Variants in PCDH7 observed in about 807,000 individuals in gnomAD.
The protein encoded by PCDH7 is protocadherin 7.
A neutral mutation model predicts 58.9 loss-of-function variants in PCDH7; 17 were observed. The observed-to-expected ratio is 0.29, with a 90% confidence interval of 0.20 to 0.43. The LOEUF (loss-of-function observed/expected upper bound fraction) is 0.43, where lower values mean the gene tolerates loss of function less well. Ranked by LOEUF, PCDH7 falls within the 20% of genes least tolerant of loss-of-function variation. The probability of loss-of-function intolerance (pLI) is 1.00; values close to 1 mark genes in which losing one functional copy is unlikely to be tolerated. For synonymous variants in PCDH7, 664 were observed against 616.4 expected, an observed-to-expected ratio of 1.08 and a Z score of -1.14; for missense variants, 1,274 against 1,441.0, an observed-to-expected ratio of 0.88 and a Z score of 1.88.
chr4:30,765,412 G>T (rs960958423), intron 1 of PCDH7, among the ~76,000 whole-genome samples: 4 of 151,988 alleles, frequency 2.6e-5, no homozygotes, highest in African/African-American at 9.7e-5. Flanking sequence ...TAACATTCTG[G>T]AATGCGTGTT....
intron 1 of PCDH7, among the ~76,000 whole-genome samples, chr4:30,820,945 T>G (rs1037492026): frequency 5.9e-5 from 9 of 152,156 alleles, no homozygotes; most frequent in Admixed American, 2.0e-4. Flanking sequence ...AATGGAATTA[T>G]TTTTCTGTGC....
intron 1 of PCDH7, among the ~76,000 whole-genome samples, chr4:30,868,183 G>A (rs773074373): frequency 2.1e-4 from 32 of 151,996 alleles, no homozygotes; most frequent in Non-Finnish European, 3.7e-4. Flanking sequence ...ACTTTTTAAA[G>A]CTACCCTTTC....
chr4:30,809,109 A>G (rs1398814044), intron 1 of PCDH7, among the ~76,000 whole-genome samples: 2 of 152,238 alleles, frequency 1.3e-5, no homozygotes, highest in Admixed American at 6.5e-5. Context: ...CGCATTCTCT[A>G]TTAAGTCTAC....
At chr4:30,930,617 A>G (rs937777879) in intron 2 of PCDH7, among the ~76,000 whole-genome samples, 10 of 152,186 alleles carry the variant, frequency 6.6e-5, no homozygotes, top group Non-Finnish European at 1.5e-4. Context: ...GTTTCAGCGA[A>G]TGTGACTGTG....
At chr4:30,870,779 T>TATGCTTTGCTTTGACAATGCTTTG (rs2109361872) in intron 1 of PCDH7, among the ~76,000 whole-genome samples, 1 of 152,270 alleles carries the variant, frequency 6.6e-6, no homozygotes, top group South Asian at 2.1e-4. Flanking sequence ...ACCTCTTGTC[T>TATGCTTTGCTTTGACAATGCTTTG]AATGCTTTGC....
At chr4:31,135,846 C>G (rs1450251053) in intron 3 of PCDH7, among the ~76,000 whole-genome samples, 1 of 152,046 alleles carries the variant, frequency 6.6e-6, no homozygotes, top group African/African-American at 2.4e-5. Flanking sequence ...GGAACAAGAT[C>G]CTTTTGTTTT....
At chr4:30,858,379 C>T (rs900594286) in intron 1 of PCDH7, among the ~76,000 whole-genome samples, 13 of 151,996 alleles carry the variant, frequency 8.6e-5, no homozygotes, top group African/African-American at 1.2e-4. Flanking sequence ...TTTGGGTATT[C>T]ACTGTGACAT....
At chr4:31,046,718 G>T (rs1466283588) in intron 3 of PCDH7, among the ~76,000 whole-genome samples, 2 of 151,912 alleles carry the variant, frequency 1.3e-5, no homozygotes, top group African/African-American at 4.8e-5. Context: ...AATCTATTGA[G>T]TTAAATATTC....
rs917946317 is a variant in PCDH7 at position 30,980,936 on chromosome 4, G to C, written c.*7+30721G>C. Among the ~76,000 whole-genome samples, 15 of 152,198 alleles carry C rather than the reference G, an allele frequency of 9.9e-5. No individual in the cohort carries two copies. In the South Asian group the frequency reaches 2.1e-3, roughly 21 times the overall value. On this transcript the variant is annotated intron_variant, in intron 3 of 3. Transcript: ENST00000509759. ...TCAGCTACTGCAACCTCTGCCTCCT[G>C]GGTTCAAGTGATTCTTCTGCCTCAG...
chr4:30,780,368 G>T (rs1341692521), intron 1 of PCDH7, among the ~76,000 whole-genome samples: 1 of 152,008 alleles, frequency 6.6e-6, no homozygotes, highest in Admixed American at 6.6e-5. Flanking sequence ...TTAGCTGGAC[G>T]TGGTGGCACA....
At chr4:30,771,255 G>T (rs1048107866) in intron 1 of PCDH7, among the ~76,000 whole-genome samples, 1 of 152,124 alleles carries the variant, frequency 6.6e-6, no homozygotes, top group Non-Finnish European at 1.5e-5. Context: ...ACCAGTTCTA[G>T]ATCTGACAAA....
intron 1 of PCDH7, chr4:30,725,329 C>A (rs192095395): frequency 2.3e-3 from 2,287 of 978,220 alleles, no homozygotes; most frequent in Non-Finnish European, 2.6e-3. Flanking sequence ...TTGCATGAGC[C>A]ATTTATTATT....
intron 3 of PCDH7, among the ~76,000 whole-genome samples, chr4:31,023,903 T>C (rs1190125220): frequency 2.6e-5 from 4 of 152,078 alleles, no homozygotes; most frequent in Non-Finnish European, 5.9e-5. Flanking sequence ...AGAGAAAGCG[T>C]TCCAAACCCA....
chr4:30,908,877 A>C (rs1015482153), intron 1 of PCDH7, among the ~76,000 whole-genome samples: 1 of 152,198 alleles, frequency 6.6e-6, no homozygotes, highest in African/African-American at 2.4e-5. Context: ...GAGACACAGA[A>C]AAAAGAAAAT....
chr4:31,139,906 T>A (rs1328587052), intron 3 of PCDH7, among the ~76,000 whole-genome samples: 7 of 152,180 alleles, frequency 4.6e-5, no homozygotes, highest in Non-Finnish European at 1.0e-4. Flanking sequence ...TGACAGGAGA[T>A]CCTTATTAAA....
Position 30,861,571 on chromosome 4 carries a change from G to T in PCDH7, c.71-58582G>T, listed in dbSNP as rs148516147. 5.3e-5 allele frequency among the ~76,000 whole-genome samples: 8 copies of T among 152,234 alleles called. No homozygotes were observed. In the East Asian group the frequency reaches 1.5e-3, roughly 29 times the overall value. ...AGGATAGATAATTTTTAACTATTCT[G>T]AAGTTCTAAAATTTATGATTACTAA... On this transcript the variant is annotated intron_variant, in intron 1 of 3. Transcript: ENST00000509759.
At chr4:30,933,823 C>T (rs986252374) in intron 2 of PCDH7, among the ~76,000 whole-genome samples, 1 of 152,184 alleles carries the variant, frequency 6.6e-6, no homozygotes, top group Non-Finnish European at 1.5e-5. Context: ...TCATAATTCT[C>T]AGGTAATTCT....
At chr4:30,905,102 T>A (rs1224426122) in intron 1 of PCDH7, among the ~76,000 whole-genome samples, 1 of 152,166 alleles carries the variant, frequency 6.6e-6, no homozygotes, top group Non-Finnish European at 1.5e-5. Flanking sequence ...TCTGTTTGAG[T>A]GGATCTTAAC....
intron 1 of PCDH7, among the ~76,000 whole-genome samples, chr4:30,905,042 G>A (rs1740740675): frequency 6.6e-6 from 1 of 152,088 alleles, no homozygotes; most frequent in Non-Finnish European, 1.5e-5. Context: ...TGCAGTTTAT[G>A]TGAAATGTCT....
Sources: allele counts gnomAD v4.1 joint callset (sites outside exome capture counted in the v4.1 genomes callset), GRCh38; gene constraint gnomAD v4.1.1; transcripts MANE v1.5; gene names NCBI Gene and HGNC (gene_info 2026-07-23, HGNC 2026-07-21).